Variants in PALB2 observed in about 807,000 individuals in gnomAD.
PALB2 encodes the protein partner and localizer of BRCA2.
In PALB2, 82 loss-of-function variants were observed where a neutral mutation model predicts 107.4. The observed-to-expected ratio is 0.76, with a 90% CI of 0.64 to 0.92. The LOEUF (loss-of-function observed/expected upper bound fraction) is 0.92, where lower values mean the gene tolerates loss of function less well. PALB2 is among the 40% of genes least tolerant of loss of function. The pLI is 0.00. For missense variants in PALB2, 1,374 were observed against 1,379.9 expected, an observed-to-expected ratio of 1.00 and a Z score of 0.07; for synonymous variants, 489 against 496.8, an observed-to-expected ratio of 0.98 and a Z score of 0.21.
chr16:23,605,275 C>T (rs1189429521), intron 12 of PALB2, among the ~76,000 whole-genome samples: 6 of 152,182 alleles, frequency 3.9e-5, no homozygotes, highest in Admixed American at 6.6e-5. Flanking sequence ...CAACCCTCTA[C>T]TGCCAATTAA....
chr16:23,614,932 G>A (rs956239882), intron 10 of PALB2, among the ~76,000 whole-genome samples: 1 of 148,286 alleles, frequency 6.7e-6, no homozygotes, highest in Admixed American at 6.8e-5. Context: ...TTACAGGCGT[G>A]AGCCACCGCG....
intron 1 of PALB2, chr16:23,638,633 T>C: frequency 2.3e-6 from 1 of 439,116 alleles, no homozygotes; most frequent in African/African-American, 2.0e-5. Context: ...CAATTAGTGC[T>C]CCAGATGCTA....
intron 9 of PALB2, among the ~76,000 whole-genome samples, chr16:23,621,767 A>G (rs910411875): frequency 1.3e-5 from 2 of 152,182 alleles, no homozygotes; most frequent in African/African-American, 4.8e-5. Flanking sequence ...AATGAATTGC[A>G]TCACCATCTA....
In PALB2 at chr16:23,635,190, G is replaced by T; in HGVS notation, c.1356C>A (p.Asn452Lys). The change falls in exon 4 of 13, where the codon AAC becomes AAA. Residue 452 changes from asparagine (N) to lysine (K), a missense_variant. Asn to Lys is a moderately conservative substitution (Grantham distance 94). Transcript: ENST00000261584. The stretch of plus-strand genomic sequence containing the variant: ...TTTGGTCAGTTTCCTCATTGGAAAG[G>T]TTTAAATTTTTACTTGCATCCTTAT... Reference protein sequence around the residue: ...NKNKDASKNLNLSNEETDQSE... With the variant: ...NKNKDASKNLKLSNEETDQSE... The T allele has an allele frequency of 6.2e-7, 1 of 1,614,116 alleles. No homozygotes were observed. Among genetic ancestry groups the T allele is most frequent in the South Asian group, 1.1e-5 (1 of 91,076 alleles).
intron 4 of PALB2, among the ~76,000 whole-genome samples, chr16:23,634,247 C>T (rs1219941051): frequency 3.3e-5 from 5 of 152,200 alleles, no homozygotes; most frequent in African/African-American, 1.2e-4. Context: ...TTATTTTAAT[C>T]TCCCTGTACT....
chr16:23,625,150 T>G (rs1373999385), intron 7 of PALB2, among the ~76,000 whole-genome samples: 1 of 152,004 alleles, frequency 6.6e-6, no homozygotes, highest in Non-Finnish European at 1.5e-5. Context: ...CTGGCCAACA[T>G]GGTAAAACCC....
chr16:23,638,342 C>T, intron 1 of PALB2: 1 of 611,816 alleles, frequency 1.6e-6, no homozygotes. Context: ...CCTTCCTTTG[C>T]CAATTCCTAC....
chr16:23,636,243 A>G lies in PALB2; in HGVS notation c.303T>C (p.Asp101=). The part of the protein sequence containing the change: ...ETGEKTSITL[D]VGPESFNPGD... ...CAGGGTTAAAGGACTCAGGCCCAACATCAAGTGTGATAGATGTCTTTTCTC... is the reference window on the plus strand; with the variant it reads ...CAGGGTTAAAGGACTCAGGCCCAACGTCAAGTGTGATAGATGTCTTTTCTC... The change falls in exon 4 of 13, where the codon GAT becomes GAC. Residue 101 remains aspartate (D), a synonymous_variant. Coordinates refer to ENST00000261584, the MANE Select transcript of PALB2 (RefSeq NM_024675.4). The G allele has an allele frequency of 1.2e-6, 2 of 1,613,982 alleles. No individual in the cohort carries two copies. The highest frequency in any genetic ancestry group is 1.1e-5 in the South Asian group (1 of 91,048).
In PALB2 at chr16:23,638,064, AC is replaced by A. The variant is rs757589509; in HGVS notation, c.108+5del. 6.2e-7 allele frequency: 1 copy of A among 1,613,310 alleles called. No homozygotes were observed. The highest frequency in any genetic ancestry group is 2.2e-5 in the East Asian group (1 of 44,876). On this transcript the variant is annotated splice_donor_5th_base_variant and intron_variant, in intron 2 of 12. Coordinates refer to ENST00000261584, the MANE Select transcript of PALB2 (RefSeq NM_024675.4). ...ACACCTTAATTTGAGAATACGATTCACTTACCTGAAGGCGGGCTAGTGTCTT... is the reference window on the plus strand; with the variant it reads ...ACACCTTAATTTGAGAATACGATTCATTACCTGAAGGCGGGCTAGTGTCTT...
intron 12 of PALB2, among the ~76,000 whole-genome samples, chr16:23,605,204 C>T (rs1005137681): frequency 4.6e-5 from 7 of 152,136 alleles, no homozygotes; most frequent in East Asian, 1.9e-4. Context: ...CCCAACTTTG[C>T]GTACCTAACT....
chr16:23,630,402 A>G lies in PALB2; in HGVS notation c.1752T>C (p.Asp584=), dbSNP rs1060504717. Residue 584 remains aspartate, a synonymous_variant, in exon 5 of 13, where the codon GAT becomes GAC. Coordinates refer to ENST00000261584, the MANE Select transcript of PALB2 (RefSeq NM_024675.4). Reference sequence around the variant, plus strand: ...GAAATGGAGCCGTGAAAGCATCATCATCCAAGGATAAATAAGCACTATTAC... The same window carrying G: ...GAAATGGAGCCGTGAAAGCATCATCGTCCAAGGATAAATAAGCACTATTAC... ...SWSNSAYLSL[D]DDAFTAPFHR... 2 of 1,614,162 alleles carry G rather than the reference A, an allele frequency of 1.2e-6. No homozygotes were observed. Among genetic ancestry groups the G allele is most frequent in the Non-Finnish European group, 1.7e-6 (2 of 1,180,022 alleles).
chr16:23,608,795 T>TACACACACACACACACAC (rs1421547760), intron 11 of PALB2, among the ~76,000 whole-genome samples: 72 of 113,298 alleles, frequency 6.4e-4, no homozygotes, highest in Admixed American at 9.2e-4. Context: ...TATGTGTGTA[T>TACACACACACACACACAC]ATATATACAC....
At chr16:23,608,801 T>TACACACACACAC (rs10525601) in intron 11 of PALB2, among the ~76,000 whole-genome samples, 62 of 143,808 alleles carry the variant, frequency 4.3e-4, no homozygotes, top group African/African-American at 1.5e-3. Context: ...TGTATATATA[T>TACACACACACAC]ACACACACAC....
At chr16:23,617,778 A>G (rs1966710350) in intron 10 of PALB2, 1 of 152,278 alleles carries the variant, frequency 6.6e-6, no homozygotes, top group Admixed American at 6.6e-5. Context: ...CCAAGGCAGT[A>G]TGAATTCGGA....
At chr16:23,623,705 GAC>G (rs1430613514) in intron 8 of PALB2, among the ~76,000 whole-genome samples, 1 of 151,260 alleles carries the variant, frequency 6.6e-6, no homozygotes, top group Non-Finnish European at 1.5e-5. Flanking sequence ...TTTCAGTAGA[GAC>G]ACAGTTTCAC....
intron 5 of PALB2, 100 bp from the exon 6 acceptor site, chr16:23,629,375 CCT>C: frequency 8.8e-7 from 1 of 1,130,296 alleles, no homozygotes; most frequent in East Asian, 2.4e-5. Context: ...GTCTTTATTT[CCT>C]CTTATAACAG....
At chr16:23,620,021 C>T (rs1299154481) in intron 10 of PALB2, among the ~76,000 whole-genome samples, 1 of 152,200 alleles carries the variant, frequency 6.6e-6, no homozygotes, top group African/African-American at 2.4e-5. Flanking sequence ...CTCAAGTGAT[C>T]TGCCTGCCTT....
Position 23,603,653 on chromosome 16 carries a change from C to T in PALB2, c.3367G>A (p.Val1123Met), listed in dbSNP as rs757118000. 21 of 1,613,288 alleles carry T rather than the reference C, an allele frequency of 1.3e-5. No homozygotes were observed. The highest frequency in any genetic ancestry group is 2.2e-5 in the East Asian group (1 of 44,846). ...GQAGRFLEGD[V>M]KDHCAAAILT... ...ATTGCTGCTGCACAGTGATCTTTCA[C>T]GTCACCTTCCAGGAACCTGATAGCA... The change falls in exon 13 of 13, where the codon GTG (valine) becomes ATG (methionine). Residue 1123 changes from valine (V) to methionine (M), a missense_variant. Physicochemically the swap from Val to Met is conservative, Grantham distance 21 (BLOSUM62 1). Transcript: ENST00000261584.
Position 23,635,585 on chromosome 16 carries a change from A to C in PALB2, c.961T>G (p.Leu321Val), listed in dbSNP as rs1967005997. The C allele has an allele frequency of 6.2e-7, 1 of 1,613,310 alleles. No homozygotes were observed. Among genetic ancestry groups the C allele is most frequent in the African/African-American group, 1.3e-5 (1 of 74,930 alleles). The change falls in exon 4 of 13, where the codon TTA becomes GTA. Residue 321 changes from leucine (L) to valine (V), a missense_variant. Physicochemically the swap from Leu to Val is conservative, Grantham distance 32. Coordinates refer to ENST00000261584, the MANE Select transcript of PALB2 (RefSeq NM_024675.4). ...AGAGAACATGAAATATTTGCCTCTA[A>C]ATTAGAACTTGTGGGCAGTTGGCCA... The part of the protein sequence containing the change: ...KSGQLPTSSN[L>V]EANISCSLNE...
Sources: allele counts gnomAD v4.1 joint callset (sites outside exome capture counted in the v4.1 genomes callset), GRCh38; gene constraint gnomAD v4.1.1; transcripts MANE v1.5; gene names NCBI Gene and HGNC (gene_info 2026-07-23, HGNC 2026-07-21).